Variants in THSD7B observed in about 807,000 individuals in gnomAD.
The protein encoded by THSD7B is thrombospondin type 1 domain containing 7B, also known as thrombospondin type-1 domain-containing protein 7B.
A neutral mutation model predicts 213.6 loss-of-function variants in THSD7B; 138 were observed. The observed-to-expected ratio is 0.65, with a 90% CI of 0.56 to 0.74. The LOEUF is 0.74. Ranked by LOEUF, THSD7B falls within the 30% of genes least tolerant of loss-of-function variation. The pLI, the probability that THSD7B is intolerant of heterozygous loss-of-function variation, is 0.00. For synonymous variants in THSD7B, 742 were observed against 687.0 expected (o/e 1.08, Z -1.25); for missense variants, 1,931 against 1,991.5 (o/e 0.97, Z 0.58).
chr2:137,197,493 G>T (rs1680787410), intron 7 of THSD7B, among the ~76,000 whole-genome samples: 1 of 152,026 alleles, frequency 6.6e-6, no homozygotes, highest in African/African-American at 2.4e-5. Context: ...ACCACCAAAA[G>T]ATATGTCGAT....
intron 7 of THSD7B, among the ~76,000 whole-genome samples, chr2:137,230,712 A>G (rs1681616445): frequency 6.6e-6 from 1 of 152,186 alleles, no homozygotes; most frequent in Non-Finnish European, 1.5e-5. Context: ...GTGAACGGAC[A>G]GCTCTGACTT....
chr2:137,079,594 T>C (rs1687700512), intron 3 of THSD7B, among the ~76,000 whole-genome samples: 1 of 152,110 alleles, frequency 6.6e-6, no homozygotes, highest in Non-Finnish European at 1.5e-5. Context: ...TTTAGCCTTT[T>C]GAAACCACTA....
chr2:137,070,127 T>C (rs1687452586), intron 3 of THSD7B, among the ~76,000 whole-genome samples: 1 of 151,964 alleles, frequency 6.6e-6, no homozygotes, highest in African/African-American at 2.4e-5. Flanking sequence ...GATAACCAAC[T>C]TCCTTATTTT....
At chr2:137,666,932 C>T (rs1332817025) in intron 26 of THSD7B, among the ~76,000 whole-genome samples, 1 of 152,050 alleles carries the variant, frequency 6.6e-6, no homozygotes, top group Non-Finnish European at 1.5e-5. Context: ...TGTGTACTTG[C>T]AGACACATGG....
chr2:137,061,427 CTT>C (rs35891504), intron 3 of THSD7B, among the ~76,000 whole-genome samples: 2 of 146,900 alleles, frequency 1.4e-5, no homozygotes, highest in African/African-American at 4.9e-5. Flanking sequence ...AAAGGACATT[CTT>C]TTTTTTTTGT....
At chr2:137,205,195 T>C (rs1680960619) in intron 7 of THSD7B, among the ~76,000 whole-genome samples, 1 of 152,014 alleles carries the variant, frequency 6.6e-6, no homozygotes, top group African/African-American at 2.4e-5. Context: ...CCAGTGAAGG[T>C]GAAAAAACTG....
At chr2:136,992,417 T>C (rs1375990895) in intron 2 of THSD7B, among the ~76,000 whole-genome samples, 7 of 152,234 alleles carry the variant, frequency 4.6e-5, no homozygotes, top group Non-Finnish European at 1.0e-4. Flanking sequence ...TATATATGTC[T>C]TATTGTGGGT....
chr2:137,460,464 G>T (rs1687862369), intron 15 of THSD7B, among the ~76,000 whole-genome samples: 1 of 151,982 alleles, frequency 6.6e-6, no homozygotes, highest in East Asian at 1.9e-4. Context: ...AATAAATTAT[G>T]CAGATTGCTC....
chr2:137,024,504 A>G (rs959964296), intron 2 of THSD7B, among the ~76,000 whole-genome samples: 3 of 152,076 alleles, frequency 2.0e-5, no homozygotes, highest in Non-Finnish European at 4.4e-5. Context: ...TGATTTCTGG[A>G]TTTTTTTCTA....
rs70978214 is a variant in THSD7B at position 137,389,402 on chromosome 2, A to ATTTTTTTTTTTTTTTTT, written c.2501-16200_2501-16184dup. Among the ~76,000 whole-genome samples the ATTTTTTTTTTTTTTTTT allele has an allele frequency of 2.1e-4, 8 of 38,078 alleles. 1 individual carries two copies. Among genetic ancestry groups the ATTTTTTTTTTTTTTTTT allele is most frequent in the East Asian group, 2.2e-3 (2 of 916 alleles). The allele number at this position is 38,078 out of a possible 152,430, so 25.0% of individuals were successfully genotyped here. ...GATAGTTTGACCACTTCTTAATGTG[A>ATTTTTTTTTTTTTTTTT]TTTTTTTTTTTTTTTTTTTTTTTTT... On this transcript the variant is annotated intron_variant, in intron 12 of 27. Coordinates refer to ENST00000409968, the MANE Select transcript of THSD7B (RefSeq NM_001316349.2).
At chr2:137,538,958 T>C (rs568345411) in intron 15 of THSD7B, among the ~76,000 whole-genome samples, 2 of 151,806 alleles carry the variant, frequency 1.3e-5, no homozygotes, top group East Asian at 3.9e-4. Context: ...ATCACCAAAT[T>C]CTTAGTAAAT....
At chr2:136,947,809 A>AT (rs1684970087) in intron 2 of THSD7B, among the ~76,000 whole-genome samples, 1 of 150,918 alleles carries the variant, frequency 6.6e-6, no homozygotes, top group African/African-American at 2.5e-5. Context: ...TGATTGATAC[A>AT]TTTTTCTCTG....
chr2:137,106,027 C>T (rs556235397), intron 4 of THSD7B, among the ~76,000 whole-genome samples: 6 of 152,264 alleles, frequency 3.9e-5, no homozygotes, highest in South Asian at 2.1e-4. Context: ...ACTTTCTTCA[C>T]AGAATTAGAA....
intron 12 of THSD7B, among the ~76,000 whole-genome samples, chr2:137,285,510 A>G (rs191267968): frequency 6.7e-6 from 1 of 149,630 alleles, no homozygotes; most frequent in East Asian, 2.0e-4. Flanking sequence ...GGTCTTTACA[A>G]TTTGGCATGT....
intron 14 of THSD7B, among the ~76,000 whole-genome samples, chr2:137,419,587 T>C (rs948875149): frequency 9.2e-5 from 14 of 151,356 alleles, no homozygotes; most frequent in African/African-American, 3.4e-4. Flanking sequence ...GGTTTGAGTA[T>C]GCAAAAAGAG....
At chr2:137,100,098 T>C (rs777305584) in intron 4 of THSD7B, among the ~76,000 whole-genome samples, 14 of 71,962 alleles carry the variant, frequency 1.9e-4, no homozygotes, top group Non-Finnish European at 3.5e-4. Flanking sequence ...ATTTTAGATT[T>C]TCTAGACATC....
rs1349964275 is a variant in THSD7B, at chr2:137,094,951, C to T, written c.1029C>T (p.Ser343=). 1 of 1,613,834 alleles carries T rather than the reference C, an allele frequency of 6.2e-7. No individual in the cohort carries two copies. The highest frequency in any genetic ancestry group is 1.1e-5 in the South Asian group (1 of 91,072). The change falls in exon 4 of 28, where the codon TCC becomes TCT. Residue 343 remains serine (S), a synonymous_variant. Coordinates refer to ENST00000409968, the MANE Select transcript of THSD7B (RefSeq NM_001316349.2). ...AAGACTGTGAAACCTCCCAGTGGTCCTCCTGGAGCCCCTGCTCCAAGACAT... is the reference window on the plus strand; with the variant it reads ...AAGACTGTGAAACCTCCCAGTGGTCTTCCTGGAGCCCCTGCTCCAAGACAT... The part of the protein sequence containing the change: ...MPKDCETSQW[S]SWSPCSKTCR...
chr2:137,620,288 C>T (rs990130110), intron 19 of THSD7B, among the ~76,000 whole-genome samples: 3 of 152,160 alleles, frequency 2.0e-5, no homozygotes, highest in Non-Finnish European at 2.9e-5. Flanking sequence ...CTGAAGTTGG[C>T]GTTGAAGTGT....
At chr2:137,057,878 T>C (rs1304159511) in intron 3 of THSD7B, among the ~76,000 whole-genome samples, 1 of 152,230 alleles carries the variant, frequency 6.6e-6, no homozygotes, top group Non-Finnish European at 1.5e-5. Context: ...AATTTATGCT[T>C]GTTTTATTTT....
Sources: allele counts gnomAD v4.1 joint callset (sites outside exome capture counted in the v4.1 genomes callset), GRCh38; gene constraint gnomAD v4.1.1; transcripts MANE v1.5; gene names NCBI Gene and HGNC (gene_info 2026-07-23, HGNC 2026-07-21).